Variants in NLRP3 observed in about 807,000 individuals in gnomAD.
NLRP3 encodes the protein NACHT, LRR and PYD domains-containing protein 3.
In NLRP3, 48 loss-of-function variants were observed where a neutral mutation model predicts 91.3. That is an observed-to-expected ratio of 0.53 (90% CI 0.42 to 0.67). The LOEUF is 0.67. NLRP3 is among the 30% of genes least tolerant of loss of function. The pLI is 0.00. For synonymous variants in NLRP3, 561 were observed against 507.9 expected, an observed-to-expected ratio of 1.10 and a Z score of -1.41; for missense variants, 982 against 1,276.9, an observed-to-expected ratio of 0.77 and a Z score of 3.52.
chr1:247,424,114 T>C lies in NLRP3; in HGVS notation c.665T>C (p.Phe222Ser), dbSNP rs1476137321. The change falls in exon 4 of 10, where the codon TTC (phenylalanine) becomes TCC (serine). Residue 222 changes from phenylalanine to serine, a missense_variant. Transcript: ENST00000336119. This position sits in a 1 kb window ranked among gnomAD's most constrained non-coding sequence, Gnocchi z 8.1. ...EHSEPVHTVV[F>S]QGAAGIGKTI... Reference sequence around the variant, plus strand: ...TCTGAGCCTGTGCACACCGTGGTGTTCCAGGGGGCGGCAGGGATTGGGAAA... The same window carrying C: ...TCTGAGCCTGTGCACACCGTGGTGTCCCAGGGGGCGGCAGGGATTGGGAAA... 2 of 1,613,936 alleles carry C rather than the reference T, an allele frequency of 1.2e-6. No individual in the cohort carries two copies. The highest frequency in any genetic ancestry group is 1.7e-6 in the Non-Finnish European group (2 of 1,180,022).
intron 9 of NLRP3, among the ~76,000 whole-genome samples, chr1:247,446,621 C>T (rs1390563829): frequency 1.3e-5 from 2 of 152,180 alleles, no homozygotes; most frequent in Admixed American, 6.5e-5. Flanking sequence ...TTCCTAAATT[C>T]TCTGCTTAAA....
chr1:247,418,398 T>G lies in NLRP3; in HGVS notation c.-403T>G. ...CTCACTGCAGCCTCCACTTCCCGGG[T>G]TCAATCAATTCTCCTACCTCAACTT... On this transcript the variant is annotated 5_prime_UTR_variant, in exon 2 of 10. Coordinates refer to ENST00000336119, the MANE Select transcript of NLRP3 (RefSeq NM_001243133.2). The G allele has an allele frequency of 1.0e-5, 3 of 294,466 alleles. No homozygotes were observed. The highest frequency in any genetic ancestry group is 4.9e-5 in the Admixed American group (1 of 20,522). 18.2% of individuals were successfully genotyped at this position (294,466 alleles called of 1,614,324 possible).
At chr1:247,430,365 G>A (rs767779366) in intron 5 of NLRP3, among the ~76,000 whole-genome samples, 1 of 152,138 alleles carries the variant, frequency 6.6e-6, no homozygotes, top group Non-Finnish European at 1.5e-5. Flanking sequence ...TCTTGCCTTG[G>A]GGGGAAGAGT....
At position 247,431,691 on chromosome 1, in the gene NLRP3, C is replaced by T. The variant is rs76293075; in HGVS notation, c.2321+1936C>T. ...GGTCTCCCTGTGTCTGCCTTTTTCC[C>T]TCACCCGACCATTCTCTGCACAAAA... On this transcript the variant is annotated intron_variant, in intron 5 of 9. Coordinates refer to ENST00000336119, the MANE Select transcript of NLRP3 (RefSeq NM_001243133.2). Among the ~76,000 whole-genome samples, 49 of 152,342 alleles carry T rather than the reference C, an allele frequency of 3.2e-4. No homozygotes were observed. In the South Asian group the frequency reaches 7.7e-3, roughly 24 times the overall value.
rs1662698517 is a variant in NLRP3 at position 247,424,335 on chromosome 1, C to A, written c.886C>A (p.Leu296Ile). The A allele has an allele frequency of 6.2e-7, 1 of 1,614,056 alleles. No individual in the cohort carries two copies. Among genetic ancestry groups the A allele is most frequent in the Non-Finnish European group, 8.5e-7 (1 of 1,180,044 alleles). ...GATCGTGAGAAAACCCTCCAGAATC[C>A]TCTTCCTCATGGACGGCTTCGATGA... ...HKIVRKPSRI[L>I]FLMDGFDELQ... Residue 296 changes from leucine (L) to isoleucine (I), a missense_variant, in exon 4 of 10, where the codon CTC becomes ATC. Physicochemically the swap from Leu to Ile is conservative, Grantham distance 5. This residue lies in a region of NLRP3 where 548 missense variants were observed against 713.7 expected (regional missense o/e 0.77). Coordinates refer to ENST00000336119, the MANE Select transcript of NLRP3 (RefSeq NM_001243133.2). This position sits in a 1 kb window ranked among gnomAD's most constrained non-coding sequence, Gnocchi z 8.1.
In NLRP3 at chr1:247,443,846, G is replaced by T. The variant is rs60790382; in HGVS notation, c.2664-126G>T. 4,685 of 865,470 alleles carry T rather than the reference G, an allele frequency of 5.4e-3. 140 individuals carry two copies. The African/African-American group carries it at 0.068, about 13-fold the overall frequency. The allele number at this position is 865,470 out of a possible 1,614,324, so 53.6% of individuals were successfully genotyped here. ...GCTCTCCCCAGATCATATCTGAGAT[G>T]CTGGCTCCTGCTCTCTGAGCTGAAG... is the stretch of plus-strand genomic sequence containing the variant. On this transcript the variant is annotated intron_variant, in intron 7 of 9. Transcript: ENST00000336119.
At chr1:247,432,395 A>T (rs1428157434) in intron 5 of NLRP3, among the ~76,000 whole-genome samples, 1 of 152,210 alleles carries the variant, frequency 6.6e-6, no homozygotes, top group African/African-American at 2.4e-5. Context: ...AATGGCCTCC[A>T]GTTCCATCTG....
chr1:247,439,014 G>A (rs74154643), intron 7 of NLRP3, among the ~76,000 whole-genome samples: 864 of 23,118 alleles, frequency 0.037, 4 homozygotes, highest in African/African-American at 0.096. Context: ...TTTTCCATCC[G>A]TCAATCCATC....
intron 7 of NLRP3, among the ~76,000 whole-genome samples, chr1:247,439,994 G>T (rs373214339): frequency 6.6e-6 from 1 of 152,256 alleles, no homozygotes; most frequent in Non-Finnish European, 1.5e-5. Context: ...TGCATTTTAT[G>T]TGTTAGGTAC....
Position 247,434,280 on chromosome 1 carries a change from C to G in NLRP3, c.2492+7C>G, listed in dbSNP as rs200534219. The G allele has an allele frequency of 7.4e-6, 12 of 1,613,842 alleles. No homozygotes were observed. In the South Asian group the frequency reaches 1.3e-4, roughly 18 times the overall value. ...GCAATCTGAAGAAGCTCTGGTGAGTCGAGCCCGTTCCCCTAAGGAAGTTCT... is the reference window on the plus strand; with the variant it reads ...GCAATCTGAAGAAGCTCTGGTGAGTGGAGCCCGTTCCCCTAAGGAAGTTCT... On this transcript the variant is annotated splice_region_variant and intron_variant, in intron 6 of 9. Transcript: ENST00000336119.
chr1:247,437,613 C>T (rs1663888016), intron 7 of NLRP3, among the ~76,000 whole-genome samples: 1 of 152,256 alleles, frequency 6.6e-6, no homozygotes, highest in African/African-American at 2.4e-5. Context: ...TTTGTCCCTT[C>T]ATTTTGCAGG....
At chr1:247,416,240 C>A (rs1662068533) in intron 1 of NLRP3, 47 bp downstream of exon 1, 1 of 152,444 alleles carries the variant, frequency 6.6e-6, no homozygotes, top group Admixed American at 6.5e-5. Context: ...ACCGGGAGAG[C>A]AGTGGGGGAG....
Position 247,419,160 on chromosome 1 carries a change from A to ATTT in NLRP3, c.277+84_277+85insTTT, listed in dbSNP as rs1365819137. ...TTTCCATCTTTATATATATATATAT[A>ATTT]TATATTTTTTTTTGAGACGGAGTTG... On this transcript the variant is annotated intron_variant, in intron 2 of 9. Transcript: ENST00000336119. 1.1e-4 allele frequency: 39 copies of ATTT among 355,114 alleles called. No individual in the cohort carries two copies. In the East Asian group the frequency reaches 2.1e-3, roughly 19 times the overall value. The allele number at this position is 355,114 out of a possible 1,614,324, so 22.0% of individuals were successfully genotyped here.
intron 7 of NLRP3, among the ~76,000 whole-genome samples, chr1:247,440,313 C>T (rs1282859490): frequency 6.6e-6 from 1 of 152,186 alleles, no homozygotes; most frequent in Non-Finnish European, 1.5e-5. Flanking sequence ...CCTCTTCCTC[C>T]TGCCTCATTG....
At chr1:247,442,211 G>A (rs746541484) in intron 7 of NLRP3, among the ~76,000 whole-genome samples, 2 of 152,204 alleles carry the variant, frequency 1.3e-5, no homozygotes, top group Non-Finnish European at 2.9e-5. Flanking sequence ...GAAACCAGTG[G>A]ATGGATAATC....
rs766730709 is a variant in NLRP3 at position 247,444,841 on chromosome 1, A to G, written c.3005+20A>G. ...CCTGGGGTGAGTGTGCTCTGCAGAG[A>G]TGCCCGTGGTGGGACTCTGAGTTCT... On this transcript the variant is annotated intron_variant, in intron 9 of 9. Transcript: ENST00000336119. 7 of 1,612,678 alleles carry G rather than the reference A, an allele frequency of 4.3e-6. 1 individual carries two copies. The South Asian group carries it at 7.7e-5, about 18-fold the overall frequency.
At chr1:247,434,366 G>A in intron 6 of NLRP3, 93 bp downstream of exon 6, 1 of 1,394,974 alleles carries the variant, frequency 7.2e-7, no homozygotes, top group Non-Finnish European at 1.0e-6. Context: ...GGGTTTGAGT[G>A]AGAATGGCCT....
At chr1:247,431,170 C>G (rs1293545208) in intron 5 of NLRP3, among the ~76,000 whole-genome samples, 1 of 150,990 alleles carries the variant, frequency 6.6e-6, no homozygotes, top group Non-Finnish European at 1.5e-5. Context: ...GGTGACAGAG[C>G]GAGATTCCAT....
Position 247,425,779 on chromosome 1 carries a change from A to G in NLRP3, c.2150+180A>G. The G allele has an allele frequency of 1.6e-6, 1 of 633,230 alleles. No individual in the cohort carries two copies. The highest frequency in any genetic ancestry group is 2.8e-6 in the Non-Finnish European group (1 of 361,138). The allele number at this position is 633,230 out of a possible 1,614,324, so 39.2% of individuals were successfully genotyped here. ...GCAAAGATTGATGTATGGTAGGTGG[A>G]TAAATGGGATGAGGAAAAAAAAAAT... On this transcript the variant is annotated intron_variant, in intron 4 of 9. Transcript: ENST00000336119. The surrounding 1 kb of genome is among the most constrained non-coding windows in gnomAD (Gnocchi z 4.1).
Sources: gnomAD v4.1 joint callset for allele counts (sites outside exome capture counted in the v4.1 genomes callset) on GRCh38, gnomAD v4.1.1 for gene constraint, gnomAD v4.1.1 regional missense constraint, Gnocchi (gnomAD v3.1) non-coding constraint, MANE v1.5 for transcripts, NCBI Gene and HGNC (gene_info 2026-07-23, HGNC 2026-07-21) for gene names.